PLCH1: variants seen among roughly 807,000 people sequenced by gnomAD.
PLCH1 encodes 1-phosphatidylinositol 4,5-bisphosphate phosphodiesterase eta-1.
A neutral mutation model predicts 126.7 loss-of-function variants in PLCH1; 60 were observed. The ratio of observed to expected loss-of-function variants is 0.47; its 90% CI spans 0.38 to 0.59. The LOEUF is 0.59. Among genes scored for constraint, PLCH1 ranks in the 20% least tolerant of loss-of-function variants. PLCH1 has a pLI of 0.00. For synonymous variants in PLCH1, 719 were observed against 734.9 expected (o/e 0.98, Z 0.35); for missense variants, 1,723 against 2,040.0 (o/e 0.84, Z 2.99).
chr3:155,574,554 G>T (rs1000486596), intron 6 of PLCH1, among the ~76,000 whole-genome samples: 1 of 152,094 alleles, frequency 6.6e-6, no homozygotes, highest in East Asian at 1.9e-4. Context: ...TTTACAGAGG[G>T]GGATTGTCTT....
chr3:155,606,562 A>G (rs1264382952), intron 2 of PLCH1, among the ~76,000 whole-genome samples: 1 of 152,230 alleles, frequency 6.6e-6, no homozygotes. Flanking sequence ...ATATACTTTT[A>G]CTATTGCTCT....
At chr3:155,685,247 T>C (rs1194430573) in intron 2 of PLCH1, among the ~76,000 whole-genome samples, 1 of 152,206 alleles carries the variant, frequency 6.6e-6, no homozygotes, top group East Asian at 1.9e-4. Context: ...TGCTCAATTG[T>C]GAGATACGGT....
intron 2 of PLCH1, among the ~76,000 whole-genome samples, chr3:155,672,777 A>T (rs1743657704): frequency 6.6e-6 from 1 of 152,224 alleles, no homozygotes; most frequent in Non-Finnish European, 1.5e-5. Context: ...TATGCAGAAA[A>T]AGCAGCAGTT....
At chr3:155,709,972 T>A (rs927244568) in intron 1 of PLCH1, among the ~76,000 whole-genome samples, 1 of 152,046 alleles carries the variant, frequency 6.6e-6, no homozygotes, top group Non-Finnish European at 1.5e-5. Context: ...AAGAAGTGTT[T>A]GGTTGGTTGG....
intron 22 of PLCH1, 130 bp from the exon 23 acceptor site, chr3:155,483,181 A>G (rs1405100110): frequency 6.0e-6 from 6 of 995,312 alleles, no homozygotes; most frequent in East Asian, 4.8e-5. Flanking sequence ...ATAATTATGG[A>G]TTGCATAGGT....
intron 21 of PLCH1, chr3:155,456,941 C>T (rs913990005): frequency 6.5e-6 from 1 of 152,700 alleles, no homozygotes; most frequent in Non-Finnish European, 1.5e-5. Flanking sequence ...AGGTGGAATT[C>T]AACATATCCC....
chr3:155,616,371 A>C (rs946847151), intron 2 of PLCH1, among the ~76,000 whole-genome samples: 1 of 152,220 alleles, frequency 6.6e-6, no homozygotes, highest in Admixed American at 6.5e-5. Context: ...GTGTGTGAGC[A>C]AGACGACTAA....
intron 2 of PLCH1, among the ~76,000 whole-genome samples, chr3:155,621,437 A>G (rs1016460217): frequency 1.3e-5 from 2 of 152,214 alleles, no homozygotes; most frequent in Non-Finnish European, 2.9e-5. Context: ...AGTAGGCTTC[A>G]GAAGGTGAGT....
chr3:155,468,794 G>C (rs1018897322), intron 21 of PLCH1, among the ~76,000 whole-genome samples: 4 of 152,166 alleles, frequency 2.6e-5, no homozygotes, highest in Non-Finnish European at 4.4e-5. Flanking sequence ...GAGGTAAAGA[G>C]AGAGCTAGGC....
Position 155,496,441 on chromosome 3 carries a change from C to A in PLCH1, c.1894+879G>T, listed in dbSNP as rs186943471. Among the ~76,000 whole-genome samples, 115 of 151,716 alleles carry A rather than the reference C, an allele frequency of 7.6e-4. 1 individual carries two copies. The East Asian group carries it at 0.016, about 22-fold the overall frequency. On this transcript the variant is annotated intron_variant, in intron 15 of 22. Transcript: ENST00000460012. ...CATTTAAATCTTGTATAATTGTTAC[C>A]ATTTGAAGAAGGAATCAAGGCCAAA...
intron 21 of PLCH1, among the ~76,000 whole-genome samples, chr3:155,451,420 A>G (rs892840573): frequency 2.0e-5 from 3 of 152,204 alleles, no homozygotes; most frequent in Non-Finnish European, 4.4e-5. Flanking sequence ...ACAAAATGTC[A>G]TTATGTGCCT....
intron 13 of PLCH1, among the ~76,000 whole-genome samples, chr3:155,503,267 A>G (rs1718166416): frequency 6.6e-6 from 1 of 151,924 alleles, no homozygotes; most frequent in Non-Finnish European, 1.5e-5. Flanking sequence ...TCTGATGTCT[A>G]CTCTATAGGG....
In PLCH1 at chr3:155,675,761, C is replaced by T. The variant is rs1293917558; in HGVS notation, c.79+28385G>A. Among the ~76,000 whole-genome samples, 3 of 152,132 alleles carry T rather than the reference C, an allele frequency of 2.0e-5. No homozygotes were observed. In the East Asian group the frequency reaches 5.8e-4, roughly 29 times the overall value. ...CTGACCATTTTAATATAATGATATA[C>T]TTTCAGTTTGCCAGCATGCAAATTC... On this transcript the variant is annotated intron_variant, in intron 2 of 22. Transcript: ENST00000460012.
intron 21 of PLCH1, among the ~76,000 whole-genome samples, chr3:155,454,773 T>A (rs554465199): frequency 2.7e-4 from 41 of 152,322 alleles, no homozygotes; most frequent in Admixed American, 7.8e-4. Flanking sequence ...AAGCTTTTTT[T>A]AATTATGTCT....
intron 10 of PLCH1, among the ~76,000 whole-genome samples, chr3:155,544,581 T>G (rs1050993765): frequency 3.9e-5 from 6 of 152,136 alleles, no homozygotes; most frequent in Non-Finnish European, 7.3e-5. Flanking sequence ...CAACAGAATA[T>G]AAATTTTTTT....
At chr3:155,621,889 T>C (rs1736563347) in intron 2 of PLCH1, among the ~76,000 whole-genome samples, 1 of 152,042 alleles carries the variant, frequency 6.6e-6, no homozygotes, top group South Asian at 2.1e-4. Context: ...AGGCCAGCAT[T>C]CAAATTCAGG....
At chr3:155,613,513 A>G (rs540640839) in intron 2 of PLCH1, among the ~76,000 whole-genome samples, 1 of 152,342 alleles carries the variant, frequency 6.6e-6, no homozygotes, top group African/African-American at 2.4e-5. Context: ...CAAGTCAATA[A>G]ATATGTTACA....
At chr3:155,646,302 G>A (rs186814139) in intron 2 of PLCH1, among the ~76,000 whole-genome samples, 78 of 152,280 alleles carry the variant, frequency 5.1e-4, no homozygotes, top group African/African-American at 1.8e-3. Flanking sequence ...CCCACTGGCC[G>A]AAGCCTCCCC....
intron 8 of PLCH1, among the ~76,000 whole-genome samples, chr3:155,557,462 AT>A (rs1327562568): frequency 6.6e-6 from 1 of 152,214 alleles, no homozygotes; most frequent in South Asian, 2.1e-4. Context: ...TTTGGCTAGT[AT>A]TTACAACATA....
Sources: allele counts gnomAD v4.1 joint callset (sites outside exome capture counted in the v4.1 genomes callset), GRCh38; gene constraint gnomAD v4.1.1; transcripts MANE v1.5; gene names NCBI Gene and HGNC (gene_info 2026-07-23, HGNC 2026-07-21).